Variants in LHPP observed in about 807,000 individuals in gnomAD.
LHPP encodes the protein hLHPP.
Under a neutral mutation model 30.3 loss-of-function variants are expected in LHPP, and 24 were observed. That is an observed-to-expected ratio of 0.79 (90% CI 0.57 to 1.11). The LOEUF (loss-of-function observed/expected upper bound fraction) is 1.11, where lower values mean the gene tolerates loss of function less well. LHPP is among the 50% of genes most tolerant of loss of function. The pLI is 0.00. For missense variants in LHPP, 356 were observed against 367.2 expected (o/e 0.97, Z 0.25); for synonymous variants, 150 against 157.1 (o/e 0.95, Z 0.34).
chr10:124,602,961 C>G (rs1564849263), intron 6 of LHPP, among the ~76,000 whole-genome samples: 1 of 152,224 alleles, frequency 6.6e-6, no homozygotes, highest in Non-Finnish European at 1.5e-5. Context: ...TCACTCTTAG[C>G]TCTGAGACAC....
At chr10:124,521,154 G>A (rs917402403) in intron 6 of LHPP, among the ~76,000 whole-genome samples, 9 of 152,138 alleles carry the variant, frequency 5.9e-5, no homozygotes, top group South Asian at 2.1e-4. Context: ...ATGGGGCCTC[G>A]CTCTCTGGAG....
At chr10:124,493,899 A>G (rs2154395) in intron 3 of LHPP, 75,535 of 152,072 alleles carry the variant, frequency 0.5, 19,712 homozygotes, top group Non-Finnish European at 0.58. Flanking sequence ...TCTCTAAAAA[A>G]TGTTTCCAGG....
intron 6 of LHPP, among the ~76,000 whole-genome samples, chr10:124,559,645 T>C (rs1948359271): frequency 6.6e-6 from 1 of 152,248 alleles, no homozygotes; most frequent in Non-Finnish European, 1.5e-5. Flanking sequence ...CTGGAAGCCG[T>C]CTTGCTGCGT....
Position 124,496,662 on chromosome 10 carries a change from T to C in LHPP, c.468-299T>C, listed in dbSNP as rs1953718583. ...GAAACCGTCTGCCTTCTGGGTCCCC[T>C]GTTAATCATTGCAGCAGGGTCCCCA... On this transcript the variant is annotated intron_variant, in intron 3 of 6. Transcript: ENST00000368842. This position sits in a 1 kb window ranked among gnomAD's most constrained non-coding sequence, Gnocchi z 4.3. Among the ~76,000 whole-genome samples, 1 of 152,224 alleles carries C rather than the reference T, an allele frequency of 6.6e-6. No individual in the cohort carries two copies. Among genetic ancestry groups the C allele is most frequent in the South Asian group, 2.1e-4 (1 of 4,834 alleles).
intron 2 of LHPP, among the ~76,000 whole-genome samples, chr10:124,487,839 G>T (rs1482333522): frequency 1.3e-5 from 2 of 152,192 alleles, no homozygotes; most frequent in Non-Finnish European, 2.9e-5. Flanking sequence ...CCAATGATTT[G>T]ATGTATCCTT....
At chr10:124,534,413 T>C (rs570382027) in intron 6 of LHPP, among the ~76,000 whole-genome samples, 2 of 152,330 alleles carry the variant, frequency 1.3e-5, no homozygotes, top group Admixed American at 6.5e-5. Flanking sequence ...CACCGGCACG[T>C]CGGAGGCCGA....
chr10:124,581,820 C>T (rs1413145594), intron 6 of LHPP, among the ~76,000 whole-genome samples: 1 of 151,986 alleles, frequency 6.6e-6, no homozygotes, highest in Non-Finnish European at 1.5e-5. Flanking sequence ...TCTGCTTTGT[C>T]GGCCAGGCTG....
chr10:124,508,340 G>A (rs34541044), intron 5 of LHPP, among the ~76,000 whole-genome samples: 17,718 of 152,204 alleles, frequency 0.12, 1,380 homozygotes, highest in Non-Finnish European at 0.16. Context: ...CTGCTGGGCC[G>A]TGCCCACTTC....
At chr10:124,566,951 G>T (rs866240920) in intron 6 of LHPP, among the ~76,000 whole-genome samples, 14 of 152,152 alleles carry the variant, frequency 9.2e-5, no homozygotes, top group African/African-American at 3.4e-4. Flanking sequence ...CCCCACACCC[G>T]CTCCCATCCA....
At chr10:124,507,225 C>G (rs1954143833) in intron 5 of LHPP, among the ~76,000 whole-genome samples, 1 of 23,226 alleles carries the variant, frequency 4.3e-5, no homozygotes, top group Non-Finnish European at 7.9e-5. Context: ...GGGAAGATTT[C>G]AGGTGTGGAG....
At chr10:124,555,610 TGGA>T (rs566773992) in intron 6 of LHPP, among the ~76,000 whole-genome samples, 43 of 152,314 alleles carry the variant, frequency 2.8e-4, no homozygotes, top group African/African-American at 9.9e-4. Context: ...CTGGCCTTAT[TGGA>T]GTCCCTCCTT....
intron 6 of LHPP, among the ~76,000 whole-genome samples, chr10:124,551,458 TG>T (rs1339206647): frequency 6.6e-6 from 1 of 152,136 alleles, no homozygotes; most frequent in East Asian, 1.9e-4. Context: ...CTCTGCAGGG[TG>T]GGGGCGGGGG....
At chr10:124,534,376 A>G (rs928677608) in intron 6 of LHPP, among the ~76,000 whole-genome samples, 3 of 152,232 alleles carry the variant, frequency 2.0e-5, no homozygotes, top group Non-Finnish European at 4.4e-5. Flanking sequence ...GTGACTCTGC[A>G]GAGAGCCAAC....
intron 5 of LHPP, among the ~76,000 whole-genome samples, chr10:124,515,462 T>C (rs78265006): frequency 6.6e-6 from 1 of 152,168 alleles, no homozygotes; most frequent in African/African-American, 2.4e-5. Flanking sequence ...TCTGGCTCAG[T>C]TTGGATAAAC....
rs1045496632 is a variant in LHPP at position 124,517,683 on chromosome 10, C to G, written c.716+412C>G. 1.3e-5 allele frequency among the ~76,000 whole-genome samples: 2 copies of G among 152,216 alleles called. No homozygotes were observed. Among genetic ancestry groups the G allele is most frequent in the Admixed American group, 1.3e-4 (2 of 15,280 alleles). On this transcript the variant is annotated intron_variant, in intron 6 of 6. Coordinates refer to ENST00000368842, the MANE Select transcript of LHPP (RefSeq NM_022126.4). This position sits in a 1 kb window ranked among gnomAD's most constrained non-coding sequence, Gnocchi z 4.1. ...CTCCCTCTCCTTTTGTTCACTTTCT[C>G]CACTCTGTAAGACACAGAGAGCCTG...
At chr10:124,494,722 T>C (rs1293804184) in intron 3 of LHPP, among the ~76,000 whole-genome samples, 1 of 152,164 alleles carries the variant, frequency 6.6e-6, no homozygotes. Flanking sequence ...TCCATGCCTC[T>C]GCTGCCTCCC....
chr10:124,612,121 G>A (rs533626533), intron 6 of LHPP, among the ~76,000 whole-genome samples: 8 of 152,232 alleles, frequency 5.3e-5, no homozygotes, highest in Non-Finnish European at 8.8e-5. Context: ...ACTGGGATGG[G>A]GGCCGGGCAC....
chr10:124,560,593 G>A (rs1948379857), intron 6 of LHPP, among the ~76,000 whole-genome samples: 1 of 152,262 alleles, frequency 6.6e-6, no homozygotes, highest in Non-Finnish European at 1.5e-5. Flanking sequence ...CCATGACTCA[G>A]AGTGGGTCTC....
chr10:124,476,498 T>G (rs1952948385), intron 1 of LHPP, among the ~76,000 whole-genome samples: 1 of 152,110 alleles, frequency 6.6e-6, no homozygotes, highest in African/African-American at 2.4e-5. Context: ...TGTTTATGGC[T>G]CGGGTTCCAA....
Sources: gnomAD v4.1 joint callset for allele counts (sites outside exome capture counted in the v4.1 genomes callset) on GRCh38, gnomAD v4.1.1 for gene constraint, Gnocchi (gnomAD v3.1) non-coding constraint, MANE v1.5 for transcripts, NCBI Gene and HGNC (gene_info 2026-07-23, HGNC 2026-07-21) for gene names.